MCU: variants seen among roughly 807,000 people sequenced by gnomAD.
MCU encodes the protein calcium uniporter protein, mitochondrial.
A neutral mutation model predicts 45.2 loss-of-function variants in MCU; 12 were observed. The observed-to-expected ratio is 0.27, with a 90% confidence interval of 0.17 to 0.43. The LOEUF (loss-of-function observed/expected upper bound fraction) is 0.43. Among genes scored for constraint, MCU ranks in the 20% least tolerant of loss-of-function variants. MCU has a pLI of 1.00. For missense variants in MCU, 324 were observed against 436.7 expected (o/e 0.74, Z 2.30); for synonymous variants, 160 against 165.1 (o/e 0.97, Z 0.24).
chr10:72,709,886 C>T lies in MCU; in HGVS notation c.150+17585C>T, dbSNP rs573547808. Among the ~76,000 whole-genome samples, 4 of 152,292 alleles carry T rather than the reference C, an allele frequency of 2.6e-5. No individual in the cohort carries two copies. In the East Asian group the frequency reaches 7.7e-4, roughly 29 times the overall value. On this transcript the variant is annotated intron_variant, in intron 1 of 7. Transcript: ENST00000373053. ...CTTTCTTTAAGTTTAATGTCTCATC[C>T]TGCATTGGTGTTCGATTCAGAATGA...
At chr10:72,700,062 T>TC (rs1195491053) in intron 1 of MCU, among the ~76,000 whole-genome samples, 2 of 149,020 alleles carry the variant, frequency 1.3e-5, no homozygotes, top group African/African-American at 2.4e-5. Context: ...GGTCAAATTT[T>TC]TTTTTTTTTT....
chr10:72,759,395 T>A (rs1012059964), intron 1 of MCU, among the ~76,000 whole-genome samples: 1 of 152,168 alleles, frequency 6.6e-6, no homozygotes, highest in African/African-American at 2.4e-5. Context: ...CATAACCGAT[T>A]AGGTCGGGGT....
intron 1 of MCU, among the ~76,000 whole-genome samples, chr10:72,810,238 A>C (rs902584820): frequency 6.6e-6 from 1 of 152,008 alleles, no homozygotes; most frequent in African/African-American, 2.4e-5. Context: ...GAAAATTGAG[A>C]GAAACTTGGT....
At chr10:72,841,262 G>A (rs1485002935) in intron 2 of MCU, among the ~76,000 whole-genome samples, 2 of 151,954 alleles carry the variant, frequency 1.3e-5, no homozygotes, top group Non-Finnish European at 1.5e-5. Context: ...CGGCATCTCT[G>A]ACAGACTGTT....
In MCU at chr10:72,744,179, G is replaced by C. The variant is rs532628182; in HGVS notation, c.150+51878G>C. Among the ~76,000 whole-genome samples, 6 of 148,168 alleles carry C rather than the reference G, an allele frequency of 4.0e-5. No homozygotes were observed. The South Asian group carries it at 1.1e-3, about 26-fold the overall frequency. On this transcript the variant is annotated intron_variant, in intron 1 of 7. Coordinates refer to ENST00000373053, the MANE Select transcript of MCU (RefSeq NM_138357.3). ...TTTCTCTATATTATGGAATAACTAT[G>C]TATAACTATATAGTTGATCTTTTGG...
chr10:72,808,412 ATGAAGT>A (rs1844487815), intron 1 of MCU, among the ~76,000 whole-genome samples: 2 of 152,244 alleles, frequency 1.3e-5, no homozygotes, highest in African/African-American at 4.8e-5. Flanking sequence ...TGACTCAAGA[ATGAAGT>A]TCCCATAAAA....
intron 2 of MCU, among the ~76,000 whole-genome samples, chr10:72,852,301 A>G (rs1845219161): frequency 6.6e-6 from 1 of 152,268 alleles, no homozygotes; most frequent in African/African-American, 2.4e-5. Flanking sequence ...TTTAGATAGT[A>G]CATGCTATAT....
intron 1 of MCU, among the ~76,000 whole-genome samples, chr10:72,803,555 A>G (rs996929541): frequency 4.0e-5 from 6 of 151,450 alleles, no homozygotes; most frequent in South Asian, 2.1e-4. Context: ...CTGTTCTCCA[A>G]TTTTTTTTGT....
intron 1 of MCU, among the ~76,000 whole-genome samples, chr10:72,740,603 T>C (rs1262422043): frequency 2.6e-5 from 4 of 152,282 alleles, no homozygotes; most frequent in Non-Finnish European, 5.9e-5. Context: ...TATTTCTTTC[T>C]GACTTCTCAC....
intron 1 of MCU, among the ~76,000 whole-genome samples, chr10:72,765,189 T>C (rs775398591): frequency 1.2e-4 from 18 of 152,102 alleles, no homozygotes; most frequent in Non-Finnish European, 2.4e-4. Flanking sequence ...TAAATTCAGT[T>C]GTTGATAGCA....
intron 1 of MCU, among the ~76,000 whole-genome samples, chr10:72,760,907 C>A (rs1446268613): frequency 1.3e-5 from 2 of 151,982 alleles, no homozygotes; most frequent in Non-Finnish European, 2.9e-5. Context: ...CAAGATCTTA[C>A]AATTAGTAAA....
intron 1 of MCU, among the ~76,000 whole-genome samples, chr10:72,826,178 G>T (rs575747668): frequency 1.3e-5 from 2 of 152,154 alleles, no homozygotes; most frequent in Non-Finnish European, 2.9e-5. Flanking sequence ...TGGGGTTAGA[G>T]GTTAGAATCG....
chr10:72,879,275 T>C (rs1464109841), intron 6 of MCU, among the ~76,000 whole-genome samples: 1 of 151,528 alleles, frequency 6.6e-6, no homozygotes. Flanking sequence ...AAAAATAAAA[T>C]AAAAAAGGAA....
At chr10:72,831,596 G>C (rs1844879837) in intron 1 of MCU, among the ~76,000 whole-genome samples, 1 of 152,056 alleles carries the variant, frequency 6.6e-6, no homozygotes, top group Non-Finnish European at 1.5e-5. Flanking sequence ...GAAAATTTTT[G>C]CTTCGTGGGT....
rs1256649158 is a variant in MCU, at chr10:72,886,590, TA to T, written c.*769del. On this transcript the variant is annotated 3_prime_UTR_variant, in exon 8 of 8. Transcript: ENST00000373053. ...GGAGGAATAATTGCCCTCCTTTATA[TA>T]CTTATCTATTGATAATCCCCTCTCC... 1.3e-5 allele frequency: 2 copies of T among 152,368 alleles called. No individual in the cohort carries two copies. Among genetic ancestry groups the T allele is most frequent in the African/African-American group, 4.8e-5 (2 of 41,456 alleles). 9.4% of individuals were successfully genotyped at this position (152,368 alleles called of 1,614,324 possible).
rs145062779 is a variant in MCU, at chr10:72,715,510, A to G, written c.150+23209A>G. 1.5e-4 allele frequency among the ~76,000 whole-genome samples: 23 copies of G among 152,310 alleles called. 1 individual carries two copies. The East Asian group carries it at 3.3e-3, about 22-fold the overall frequency. On this transcript the variant is annotated intron_variant, in intron 1 of 7. Transcript: ENST00000373053. ...TAAACAACCCCAATAAATCAGAACT[A>G]TGCTACCTCACACAGTTACTCTGGT...
intron 1 of MCU, among the ~76,000 whole-genome samples, chr10:72,740,397 G>T (rs896006416): frequency 2.6e-5 from 4 of 151,282 alleles, no homozygotes; most frequent in Admixed American, 2.0e-4. Flanking sequence ...AAAAAAGGGT[G>T]TTATCTTCAT....
At chr10:72,781,771 T>C (rs1843997916) in intron 1 of MCU, among the ~76,000 whole-genome samples, 1 of 152,054 alleles carries the variant, frequency 6.6e-6, no homozygotes, top group African/African-American at 2.4e-5. Flanking sequence ...TCTTTTTTTT[T>C]CTTCTTCCTT....
chr10:72,811,290 A>G lies in MCU; in HGVS notation c.151-23069A>G, dbSNP rs183041817. On this transcript the variant is annotated intron_variant, in intron 1 of 7. Coordinates refer to ENST00000373053, the MANE Select transcript of MCU (RefSeq NM_138357.3). ...GTTATTGATGTTAAAGGATAGTTGCATTCTAGACGCAATGAGCCAAAATAG... is the reference window on the plus strand; with the variant it reads ...GTTATTGATGTTAAAGGATAGTTGCGTTCTAGACGCAATGAGCCAAAATAG... Among the ~76,000 whole-genome samples the G allele has an allele frequency of 3.1e-3, 466 of 152,348 alleles. 3 individuals carry two copies. The highest frequency in any genetic ancestry group is 3.3e-3 in the Non-Finnish European group (222 of 68,036).
Sources: allele counts gnomAD v4.1 joint callset (sites outside exome capture counted in the v4.1 genomes callset), GRCh38; gene constraint gnomAD v4.1.1; transcripts MANE v1.5; gene names NCBI Gene and HGNC (gene_info 2026-07-23, HGNC 2026-07-21).